The following TMEM200C variants were observed in gnomAD, a reference collection of about 807,000 sequenced individuals.
TMEM200C encodes the protein transmembrane protein 200C.
For synonymous variants in TMEM200C, 462 were observed against 324.7 expected (o/e 1.42, Z -4.55); for missense variants, 966 against 699.9 (o/e 1.38, Z -4.29).
chr18:5,890,962 C>T, exon 3 of TMEM200C: 1 of 661,566 alleles, frequency 1.5e-6, no homozygotes, highest in Middle Eastern at 2.8e-4. Flanking sequence ...AAGGAGCTGG[C>T]CGTGCTCTGG....
At position 5,889,494 on chromosome 18, in the gene TMEM200C, CAAT is replaced by C. The variant is rs2095167928; in HGVS notation, c.*701_*703del. On this transcript the variant is annotated 3_prime_UTR_variant, in exon 3 of 3. Coordinates refer to ENST00000581347, the Ensembl canonical transcript of TMEM200C. ...TTTTCAATACAGGTGTGATAACACT[CAAT>C]AAAGCATGGTGTACTTGATATAAAT... The C allele has an allele frequency of 2.0e-5, 3 of 152,220 alleles. No individual in the cohort carries two copies. The South Asian group carries it at 6.2e-4, about 32-fold the overall frequency. The allele number at this position is 152,220 out of a possible 1,614,324, so 9.4% of individuals were successfully genotyped here.
chr18:5,882,699 T>TATC (rs1434061876), exon 3 of TMEM200C: 1 of 152,146 alleles, frequency 6.6e-6, no homozygotes, highest in Non-Finnish European at 1.5e-5. Flanking sequence ...TTTTTAAGAC[T>TATC]ATTATTATTA....
intron 2 of TMEM200C, among the ~76,000 whole-genome samples, chr18:5,894,631 TGAGGCTCG>T (rs2095174169): frequency 1.3e-5 from 2 of 152,204 alleles, no homozygotes; most frequent in South Asian, 4.1e-4. Flanking sequence ...AGCCCCACTC[TGAGGCTCG>T]GAGGCTCGGA....
chr18:5,886,593 T>G (rs567876655), exon 3 of TMEM200C: 1 of 152,226 alleles, frequency 6.6e-6, no homozygotes, highest in South Asian at 2.1e-4. Context: ...AAATTTAGCC[T>G]ACTAATTGCT....
Position 5,891,878 on chromosome 18 carries a change from C to G in TMEM200C, c.186G>C (p.Val62=). ...CCGCCATGGCTATGCCCACCAGCAGCACCAGGATCCCACAGAGGGCGATGA... is the reference window on the plus strand; with the variant it reads ...CCGCCATGGCTATGCCCACCAGCAGGACCAGGATCCCACAGAGGGCGATGA... The change falls in exon 3 of 3, where the codon GTG becomes GTC. Residue 62 remains valine, a synonymous_variant. Coordinates refer to ENST00000581347, the Ensembl canonical transcript of TMEM200C. The surrounding 1 kb of genome is among the most constrained non-coding windows in gnomAD (Gnocchi z 4.7). The G allele has an allele frequency of 1.2e-6, 2 of 1,612,014 alleles. No homozygotes were observed. Among genetic ancestry groups the G allele is most frequent in the South Asian group, 2.2e-5 (2 of 91,078 alleles).
At chr18:5,890,554 C>T (rs1385674860) in exon 3 of TMEM200C, 7 of 1,426,880 alleles carry the variant, frequency 4.9e-6, no homozygotes, top group Non-Finnish European at 5.5e-6. Context: ...GAGGGGGAGG[C>T]GGCCTTGGCC....
Position 5,891,543 on chromosome 18 carries a change from C to A in TMEM200C, c.521G>T (p.Gly174Val). Residue 174 changes from glycine (G) to valine (V), a missense_variant, in exon 3 of 3, where the codon GGC becomes GTC. Physicochemically the swap from Gly to Val is moderately radical, Grantham distance 109. Transcript: ENST00000581347. This position sits in a 1 kb window ranked among gnomAD's most constrained non-coding sequence, Gnocchi z 4.7. ...GCAGATGAAGAGGAAGATGCCGATGCCCATGATGAGGGGCCCGAAGACCTT... is the reference window on the plus strand; with the variant it reads ...GCAGATGAAGAGGAAGATGCCGATGACCATGATGAGGGGCCCGAAGACCTT... 1 of 1,613,494 alleles carries A rather than the reference C, an allele frequency of 6.2e-7. No homozygotes were observed. Among genetic ancestry groups the A allele is most frequent in the Non-Finnish European group, 8.5e-7 (1 of 1,179,726 alleles).
rs199715804 is a variant in TMEM200C, at chr18:5,891,709, C to G, written c.355G>C (p.Ala119Pro). 2 of 1,613,470 alleles carry G rather than the reference C, an allele frequency of 1.2e-6. No individual in the cohort carries two copies. Among genetic ancestry groups the G allele is most frequent in the Non-Finnish European group, 1.7e-6 (2 of 1,179,840 alleles). ...GAACTGGAGTTGACACCCCCTGGAG[C>G]CCTAGGGTGGCTCCTGGACCGGTTT... Residue 119 changes from alanine to proline, a missense_variant, in exon 3 of 3, where the codon GCT becomes CCT. Physicochemically the swap from Ala to Pro is conservative, Grantham distance 27. Transcript: ENST00000581347. This position sits in a 1 kb window ranked among gnomAD's most constrained non-coding sequence, Gnocchi z 4.7.
exon 3 of TMEM200C, chr18:5,890,327 G>T (rs1323358819): frequency 6.2e-7 from 1 of 1,604,374 alleles, no homozygotes; most frequent in Admixed American, 1.7e-5. Flanking sequence ...GTGGCTCCTG[G>T]CTGGCACCCT....
chr18:5,891,290 G>A lies in TMEM200C; in HGVS notation c.774C>T (p.Gly258=), dbSNP rs1442334359. Reference sequence around the variant, plus strand: ...CGCAGCCCCCGGGCTTCAGCTCCAGGCCCCGCGACTGCACGTAGCTGAGGA... The same window carrying A: ...CGCAGCCCCCGGGCTTCAGCTCCAGACCCCGCGACTGCACGTAGCTGAGGA... The change falls in exon 3 of 3, where the codon GGC becomes GGT. Residue 258 remains glycine, a synonymous_variant. Coordinates refer to ENST00000581347, the Ensembl canonical transcript of TMEM200C. This position sits in a 1 kb window ranked among gnomAD's most constrained non-coding sequence, Gnocchi z 4.7. The A allele has an allele frequency of 7.1e-7, 1 of 1,413,942 alleles. No homozygotes were observed. Among genetic ancestry groups the A allele is most frequent in the Non-Finnish European group, 9.3e-7 (1 of 1,078,950 alleles). The allele number at this position is 1,413,942 out of a possible 1,614,324, so 87.6% of individuals were successfully genotyped here. A position where few individuals can be genotyped will look rare whatever the true frequency, so the allele number is the denominator to read the frequency against.
exon 3 of TMEM200C, chr18:5,890,708 C>T (rs1394349367): frequency 5.8e-6 from 3 of 516,458 alleles, no homozygotes; most frequent in Admixed American, 4.2e-5. Flanking sequence ...CGCCCTGCCC[C>T]CTGGCGGCGC....
At chr18:5,887,906 T>A (rs1232357274) in exon 3 of TMEM200C, 1 of 152,240 alleles carries the variant, frequency 6.6e-6, no homozygotes, top group Non-Finnish European at 1.5e-5. Flanking sequence ...AATTGTTCAA[T>A]GGTTAAGTTA....
chr18:5,895,632 C>T (rs534122777), intron 1 of TMEM200C, among the ~76,000 whole-genome samples, 110 bp from the exon 1 acceptor site: 1 of 147,604 alleles, frequency 6.8e-6, no homozygotes, highest in Admixed American at 6.7e-5. Context: ...CTTCCCCGCT[C>T]CCCCGCGTCC....
chr18:5,895,782 C>G (rs993945793), intron 1 of TMEM200C: 12 of 150,816 alleles, frequency 8.0e-5, no homozygotes, highest in African/African-American at 2.9e-4. Flanking sequence ...GGCCTCGGCT[C>G]TCCCCGCCCC....
At chr18:5,890,812 G>C (rs188327877) in exon 3 of TMEM200C, 2 of 671,674 alleles carry the variant, frequency 3.0e-6, no homozygotes, top group Admixed American at 4.3e-5. Context: ...CTCAGGTCGA[G>C]CTCGCCCCTC....
chr18:5,894,788 A>G (rs2095174357), intron 2 of TMEM200C, among the ~76,000 whole-genome samples: 3 of 152,204 alleles, frequency 2.0e-5, no homozygotes, highest in Admixed American at 2.0e-4. Context: ...ACATGAGTGC[A>G]GCAGCTGGGA....
exon 3 of TMEM200C, chr18:5,890,605 G>T: frequency 8.8e-7 from 1 of 1,140,596 alleles, no homozygotes; most frequent in Non-Finnish European, 1.1e-6. Context: ...GGGGAGGGCG[G>T]GGGCTCGGGG....
At chr18:5,890,587 C>T in exon 3 of TMEM200C, 1 of 1,271,536 alleles carries the variant, frequency 7.9e-7, no homozygotes, top group South Asian at 2.3e-5. Context: ...TCCGGGTCCG[C>T]ACTCCCCGGG....
exon 3 of TMEM200C, chr18:5,889,995 C>G: frequency 2.5e-6 from 1 of 396,946 alleles, no homozygotes. Context: ...CATAAAAAGA[C>G]TAGTTTGCTT....
Sources: gnomAD v4.1 joint callset for allele counts (sites outside exome capture counted in the v4.1 genomes callset) on GRCh38, gnomAD v4.1.1 for gene constraint, Gnocchi (gnomAD v3.1) non-coding constraint, MANE v1.5 for transcripts, NCBI Gene and HGNC (gene_info 2026-07-23, HGNC 2026-07-21) for gene names.